Variants in CDH18 observed in about 807,000 individuals in gnomAD.
CDH18 encodes the protein cadherin 18.
CDH18 carries 31 observed loss-of-function variants against 67.9 expected under a neutral mutation model. The observed-to-expected ratio is 0.46, with a 90% CI of 0.34 to 0.62. The LOEUF is 0.62. CDH18 is among the 20% of genes least tolerant of loss of function. The probability of loss-of-function intolerance (pLI) is 0.01; values close to 1 mark genes in which losing one functional copy is unlikely to be tolerated. For missense variants in CDH18, 890 were observed against 975.5 expected (o/e 0.91, Z 1.17); for synonymous variants, 362 against 347.2 (o/e 1.04, Z -0.48).
intron 1 of CDH18, among the ~76,000 whole-genome samples, chr5:20,356,339 C>T (rs1194912196): frequency 2.0e-5 from 3 of 152,092 alleles, no homozygotes; most frequent in Non-Finnish European, 4.4e-5. Flanking sequence ...GCTGAGATCA[C>T]GCAACTGCAC....
intron 2 of CDH18, among the ~76,000 whole-genome samples, chr5:20,208,665 G>GAT (rs35745449): frequency 2.6e-5 from 4 of 151,956 alleles, no homozygotes; most frequent in South Asian, 2.1e-4. Context: ...TCTGAGCAAA[G>GAT]TTTTTTTTGT....
At chr5:20,419,462 GTTTTTTTTTTTTTTTTTTTT>G (rs202130030) in intron 1 of CDH18, among the ~76,000 whole-genome samples, 3 of 75,646 alleles carry the variant, frequency 4.0e-5, no homozygotes, top group Non-Finnish European at 7.7e-5. Flanking sequence ...ATGGGACTCT[GTTTTTTTTTTTTTTTTTTTT>G]TTTTTTTTTT....
chr5:19,914,943 A>G (rs1053691772), intron 2 of CDH18, among the ~76,000 whole-genome samples: 10 of 152,240 alleles, frequency 6.6e-5, no homozygotes, highest in Admixed American at 1.3e-4. Context: ...TTTTCCAACT[A>G]CTAACCTTAA....
At chr5:19,904,247 C>G (rs1022065632) in intron 2 of CDH18, among the ~76,000 whole-genome samples, 11 of 150,562 alleles carry the variant, frequency 7.3e-5, no homozygotes, top group African/African-American at 2.7e-4. Flanking sequence ...GAACTCCAGC[C>G]TGGGCGACAG....
intron 2 of CDH18, among the ~76,000 whole-genome samples, chr5:20,101,917 C>A (rs1398512276): frequency 6.6e-6 from 1 of 151,964 alleles, no homozygotes; most frequent in East Asian, 1.9e-4. Flanking sequence ...ACTAAAAATA[C>A]AAAAATTAAC....
chr5:20,390,756 G>A (rs1357869833), intron 1 of CDH18, among the ~76,000 whole-genome samples: 1 of 152,172 alleles, frequency 6.6e-6, no homozygotes, highest in Non-Finnish European at 1.5e-5. Context: ...ATCAATGATA[G>A]ACTGGATTAA....
chr5:19,874,209 G>A (rs1463275753), intron 2 of CDH18, among the ~76,000 whole-genome samples: 2 of 151,830 alleles, frequency 1.3e-5, no homozygotes, highest in African/African-American at 4.8e-5. Flanking sequence ...TCTATATTCT[G>A]TTTGGCATTG....
At chr5:20,340,680 G>T (rs1456596158) in intron 1 of CDH18, among the ~76,000 whole-genome samples, 6 of 152,130 alleles carry the variant, frequency 3.9e-5, no homozygotes, top group Non-Finnish European at 8.8e-5. Flanking sequence ...TTACCATCTA[G>T]GAGCCTCAGG....
intron 8 of CDH18, among the ~76,000 whole-genome samples, chr5:19,554,627 T>C (rs1202635101): frequency 6.6e-6 from 1 of 152,060 alleles, no homozygotes; most frequent in East Asian, 1.9e-4. Flanking sequence ...CCCCTGTTAG[T>C]AGATCTATAG....
At chr5:19,937,321 A>G (rs1794379966) in intron 2 of CDH18, among the ~76,000 whole-genome samples, 2 of 151,316 alleles carry the variant, frequency 1.3e-5, no homozygotes, top group Non-Finnish European at 3.0e-5. Context: ...TGTAATATGA[A>G]CTGGCATTCT....
intron 9 of CDH18, among the ~76,000 whole-genome samples, chr5:19,521,980 G>T (rs942809952): frequency 7.2e-5 from 11 of 151,966 alleles, no homozygotes; most frequent in African/African-American, 2.7e-4. Context: ...CACATATTAA[G>T]TGTCAACTGC....
At chr5:20,332,973 T>C (rs1033539818) in intron 1 of CDH18, among the ~76,000 whole-genome samples, 1 of 152,214 alleles carries the variant, frequency 6.6e-6, no homozygotes, top group South Asian at 2.1e-4. Flanking sequence ...GAGAAAGCCA[T>C]AGCTTCCAGA....
At chr5:20,334,753 TACACACACACACACACACACAC>T (rs35282241) in intron 1 of CDH18, among the ~76,000 whole-genome samples, 1 of 138,348 alleles carries the variant, frequency 7.2e-6, no homozygotes, top group Admixed American at 7.3e-5. Context: ...CTCTCTCTCA[TACACACACACACACACACACAC>T]ACACACACAC....
At chr5:20,080,502 G>A (rs1400246860) in intron 2 of CDH18, among the ~76,000 whole-genome samples, 2 of 152,150 alleles carry the variant, frequency 1.3e-5, no homozygotes, top group Admixed American at 1.3e-4. Flanking sequence ...TCACAAGAGT[G>A]TAGTGATCCC....
intron 4 of CDH18, among the ~76,000 whole-genome samples, chr5:19,744,068 C>T (rs1273972931): frequency 1.3e-5 from 2 of 151,566 alleles, no homozygotes; most frequent in African/African-American, 4.9e-5. Context: ...TATGTTATTA[C>T]CATGAATGCT....
At chr5:20,066,450 ACTT>A (rs1251954673) in intron 2 of CDH18, among the ~76,000 whole-genome samples, 2 of 152,026 alleles carry the variant, frequency 1.3e-5, no homozygotes, top group African/African-American at 4.8e-5. Context: ...TAGCATGTCA[ACTT>A]CTTTTTTGGG....
rs548306261 is a variant in CDH18 at position 19,530,768 on chromosome 5, A to AT, written c.1391-9991dup. On this transcript the variant is annotated intron_variant, in intron 9 of 12. Transcript: ENST00000382275. ...TCCCTACAAAGGACACGAACTCATC[A>AT]TTTTTTATGGCTGCATAGTATTCCA... Among the ~76,000 whole-genome samples, 257 of 152,242 alleles carry AT rather than the reference A, an allele frequency of 1.7e-3. 1 individual carries two copies. Among genetic ancestry groups the AT allele is most frequent in the African/African-American group, 5.8e-3 (241 of 41,544 alleles).
intron 11 of CDH18, among the ~76,000 whole-genome samples, chr5:19,485,136 C>T (rs758206079): frequency 1.3e-4 from 19 of 151,534 alleles, no homozygotes; most frequent in Non-Finnish European, 2.5e-4. Flanking sequence ...AGAAAATATG[C>T]ACATACATAC....
At chr5:20,053,209 T>C (rs1741590477) in intron 2 of CDH18, among the ~76,000 whole-genome samples, 1 of 151,630 alleles carries the variant, frequency 6.6e-6, no homozygotes, top group Non-Finnish European at 1.5e-5. Context: ...ATCTTATACA[T>C]ATAAATGTGT....
Sources: allele counts gnomAD v4.1 joint callset (sites outside exome capture counted in the v4.1 genomes callset), GRCh38; gene constraint gnomAD v4.1.1; transcripts MANE v1.5; gene names NCBI Gene and HGNC (gene_info 2026-07-23, HGNC 2026-07-21).